The following ZDHHC21 variants were observed in gnomAD, a reference collection of about 807,000 sequenced individuals.
ZDHHC21 encodes zDHHC palmitoyltransferase 21, also known as palmitoyltransferase ZDHHC21.
Under a neutral mutation model 34.6 loss-of-function variants are expected in ZDHHC21, and 15 were observed. The ratio of observed to expected loss-of-function variants is 0.43; its 90% CI spans 0.29 to 0.67. The LOEUF is 0.67. Ranked by LOEUF, ZDHHC21 falls within the 30% of genes least tolerant of loss-of-function variation. The pLI, the probability that ZDHHC21 is intolerant of heterozygous loss-of-function variation, is 0.14. For missense variants in ZDHHC21, 344 were observed against 327.7 expected (o/e 1.05, Z -0.38); for synonymous variants, 142 against 101.8 (o/e 1.40, Z -2.38).
chr9:14,656,852 A>C (rs1383196361), intron 7 of ZDHHC21, among the ~76,000 whole-genome samples: 1 of 151,998 alleles, frequency 6.6e-6, no homozygotes, highest in African/African-American at 2.4e-5. Flanking sequence ...GATGGCTCTA[A>C]GGAAAATCTG....
intron 8 of ZDHHC21, among the ~76,000 whole-genome samples, chr9:14,637,017 A>G (rs766704220): frequency 6.6e-6 from 1 of 152,110 alleles, no homozygotes; most frequent in South Asian, 2.1e-4. Context: ...GAATGAACCA[A>G]ACCGAAAATT....
rs945515464 is a variant in ZDHHC21, at chr9:14,615,742, T to C, written c.*3224A>G. ...CAGAAAACAACAATGACAAATATGA[T>C]TGTTAAGGAGGTGTAACTTACAGTA... On this transcript the variant is annotated 3_prime_UTR_variant, in exon 10 of 10. Transcript: ENST00000380916. 5 of 151,660 alleles carry C rather than the reference T, an allele frequency of 3.3e-5. No individual in the cohort carries two copies. The highest frequency in any genetic ancestry group is 7.4e-5 in the Non-Finnish European group (5 of 67,712). 9.4% of individuals were successfully genotyped at this position (151,660 alleles called of 1,614,324 possible). A position where few individuals can be genotyped will look rare whatever the true frequency, so the allele number is the denominator to read the frequency against.
At chr9:14,640,973 G>C (rs941012117) in intron 7 of ZDHHC21, among the ~76,000 whole-genome samples, 1 of 152,170 alleles carries the variant, frequency 6.6e-6, no homozygotes, top group Non-Finnish European at 1.5e-5. Context: ...GAAATCTGCT[G>C]TTGCTAAGCT....
intron 8 of ZDHHC21, among the ~76,000 whole-genome samples, chr9:14,620,398 T>C (rs543031086): frequency 3.3e-5 from 5 of 152,112 alleles, no homozygotes; most frequent in Admixed American, 6.6e-5. Flanking sequence ...AGCCAAATAA[T>C]CAAAACACAA....
At chr9:14,689,954 T>A (rs1048040705) in intron 2 of ZDHHC21, among the ~76,000 whole-genome samples, 1 of 152,068 alleles carries the variant, frequency 6.6e-6, no homozygotes, top group African/African-American at 2.4e-5. Flanking sequence ...CAAATATTGT[T>A]TCAGTCAGTA....
At chr9:14,598,364 A>G in the ZDHHC21 span, among the ~76,000 whole-genome samples, 1 of 152,186 alleles carries the variant, frequency 6.6e-6, no homozygotes, top group Admixed American at 6.5e-5. Context: ...CCATAGAAAT[A>G]ATACGACGAC....
At chr9:14,645,074 A>G (rs1315709031) in intron 7 of ZDHHC21, among the ~76,000 whole-genome samples, 3 of 152,144 alleles carry the variant, frequency 2.0e-5, no homozygotes, top group Non-Finnish European at 4.4e-5. Flanking sequence ...GTGGCTCTAC[A>G]CAATCTTATC....
intron 5 of ZDHHC21, among the ~76,000 whole-genome samples, chr9:14,664,577 C>G (rs1834049161): frequency 6.6e-6 from 1 of 150,960 alleles, no homozygotes; most frequent in South Asian, 2.1e-4. Flanking sequence ...AACAAAAAGA[C>G]AGCAGTAACC....
At chr9:14,594,807 T>G in the ZDHHC21 span, among the ~76,000 whole-genome samples, 1 of 152,108 alleles carries the variant, frequency 6.6e-6, no homozygotes, top group African/African-American at 2.4e-5. Context: ...AGTCCTTGTA[T>G]CCAGAACACA....
chr9:14,690,564 G>T (rs1006924160), intron 1 of ZDHHC21, among the ~76,000 whole-genome samples, 179 bp from the exon 2 acceptor site: 4 of 152,116 alleles, frequency 2.6e-5, no homozygotes, highest in African/African-American at 9.7e-5. Flanking sequence ...TGGGGAAGAA[G>T]GTTAATCTAC....
chr9:14,681,262 T>C (rs549543887), intron 2 of ZDHHC21, among the ~76,000 whole-genome samples: 2 of 152,322 alleles, frequency 1.3e-5, no homozygotes, highest in South Asian at 4.1e-4. Flanking sequence ...TCTCACTATG[T>C]TGCCCAGACT....
chr9:14,652,457 T>C (rs1409539504), intron 7 of ZDHHC21, among the ~76,000 whole-genome samples: 3 of 152,072 alleles, frequency 2.0e-5, no homozygotes, highest in Non-Finnish European at 4.4e-5. Flanking sequence ...AAACTTCACA[T>C]GGTAAAAACA....
At chr9:14,685,754 C>A (rs1258985387) in intron 2 of ZDHHC21, among the ~76,000 whole-genome samples, 1 of 152,132 alleles carries the variant, frequency 6.6e-6, no homozygotes, top group Non-Finnish European at 1.5e-5. Flanking sequence ...CACATGCGCA[C>A]GTATGTGTAT....
rs1321480789 is a variant in ZDHHC21, at chr9:14,618,966, T to C, written c.798A>G (p.Ter266=). 1 of 1,607,006 alleles carries C rather than the reference T, an allele frequency of 6.2e-7. No individual in the cohort carries two copies. Among genetic ancestry groups the C allele is most frequent in the South Asian group, 1.1e-5 (1 of 89,876 alleles). The change falls in exon 10 of 10, where the codon TAA becomes TAG. Residue 266 remains the stop codon, a stop_retained_variant. Transcript: ENST00000380916. The part of the protein sequence containing the change: ...RVPYHFANHV[*] The stretch of plus-strand genomic sequence containing the variant: ...CCATCTGTGCCCACCATCCATCTGT[T>C]TAGACATGATTGGCAAAGTGGTAGG...
intron 8 of ZDHHC21, among the ~76,000 whole-genome samples, chr9:14,625,169 T>C (rs1218535839): frequency 2.0e-5 from 3 of 152,080 alleles, no homozygotes; most frequent in Admixed American, 6.6e-5. Flanking sequence ...TTTGCAGCAC[T>C]AAACTAATTG....
chr9:14,670,923 C>A (rs1376293272), intron 5 of ZDHHC21, among the ~76,000 whole-genome samples: 1 of 152,032 alleles, frequency 6.6e-6, no homozygotes, highest in East Asian at 1.9e-4. Context: ...CCTTTCCTTC[C>A]TTTACTCATG....
chr9:14,671,007 T>C (rs1424749405), intron 5 of ZDHHC21, among the ~76,000 whole-genome samples: 1 of 152,086 alleles, frequency 6.6e-6, no homozygotes, highest in Non-Finnish European at 1.5e-5. Flanking sequence ...ATAATGTTTT[T>C]AAAAAGACTA....
rs1824651279 is a variant in ZDHHC21, at chr9:14,618,350, A to G, written c.*616T>C. ...GGTGTTTTACTTCAGTGGTACTTTCATGTTGGTTTTGGTGAAGAAAAAAGA... is the reference window on the plus strand; with the variant it reads ...GGTGTTTTACTTCAGTGGTACTTTCGTGTTGGTTTTGGTGAAGAAAAAAGA... On this transcript the variant is annotated 3_prime_UTR_variant, in exon 10 of 10. Coordinates refer to ENST00000380916, the MANE Select transcript of ZDHHC21 (RefSeq NM_178566.6). 1 of 152,480 alleles carries G rather than the reference A, an allele frequency of 6.6e-6. No individual in the cohort carries two copies. The highest frequency in any genetic ancestry group is 1.5e-5 in the Non-Finnish European group (1 of 67,992). 9.4% of individuals were successfully genotyped at this position (152,480 alleles called of 1,614,324 possible).
At chr9:14,642,346 A>G (rs1328334517) in intron 7 of ZDHHC21, among the ~76,000 whole-genome samples, 1 of 152,150 alleles carries the variant, frequency 6.6e-6, no homozygotes, top group Admixed American at 6.5e-5. Context: ...AGATTTTTTT[A>G]GATTTAACAC....
Sources: allele counts gnomAD v4.1 joint callset (sites outside exome capture counted in the v4.1 genomes callset), GRCh38; gene constraint gnomAD v4.1.1; transcripts MANE v1.5; gene names NCBI Gene and HGNC (gene_info 2026-07-23, HGNC 2026-07-21).